Variants in CFHR1 observed in about 807,000 individuals in gnomAD.
CFHR1 encodes the protein complement factor H-related protein 1.
A neutral mutation model predicts 30.4 loss-of-function variants in CFHR1; 22 were observed. That is an observed-to-expected ratio of 0.72 (90% CI 0.52 to 1.03). The LOEUF (loss-of-function observed/expected upper bound fraction) is 1.03. CFHR1 is among the 50% of genes least tolerant of loss of function. The pLI is 0.00. For missense variants in CFHR1, 248 were observed against 380.6 expected, an observed-to-expected ratio of 0.65 and a Z score of 2.90; for synonymous variants, 95 against 129.1, an observed-to-expected ratio of 0.74 and a Z score of 1.79.
rs1655379895 is a variant in CFHR1 at position 196,827,476 on chromosome 1, A to T, written c.430+471A>T. 1.5e-5 allele frequency among the ~76,000 whole-genome samples: 2 copies of T among 135,500 alleles called. 1 individual carries two copies. The allele number at this position is 135,500 out of a possible 152,430, so 88.9% of individuals were successfully genotyped here. On this transcript the variant is annotated intron_variant, in intron 3 of 5. Coordinates refer to ENST00000320493, the MANE Select transcript of CFHR1 (RefSeq NM_002113.3). The stretch of plus-strand genomic sequence containing the variant: ...ATTGGCAATTAAATTATCTGAAGTT[A>T]TTTTTATTATTATAGACTTATTTTC...
At chr1:196,824,838 A>T (rs1334431974) in intron 1 of CFHR1, among the ~76,000 whole-genome samples, 1 of 119,158 alleles carries the variant, frequency 8.4e-6, no homozygotes, top group Non-Finnish European at 1.7e-5. Context: ...ATACAAATAC[A>T]TATTTGTATA....
At chr1:196,829,263 T>C (rs138572788) in intron 4 of CFHR1, among the ~76,000 whole-genome samples, 1,806 of 134,880 alleles carry the variant, frequency 0.013, 523 homozygotes, top group African/African-American at 0.054. Context: ...CTCTCCACAT[T>C]GTAAGTATAA....
chr1:196,822,044 T>C (rs1655137614), intron 1 of CFHR1, among the ~76,000 whole-genome samples: 1 of 131,606 alleles, frequency 7.6e-6, no homozygotes, highest in Non-Finnish European at 1.6e-5. Context: ...GTATAAAATA[T>C]TAAAAACGGC....
At chr1:196,825,339 A>G (rs1298351100) in intron 1 of CFHR1, 138 bp from the exon 2 acceptor site, 6 of 624,154 alleles carry the variant, frequency 9.6e-6, no homozygotes, top group East Asian at 2.9e-5. Flanking sequence ...CCTAATTTGT[A>G]CACTGGAAAG....
chr1:196,823,321 A>G (rs549771616), intron 1 of CFHR1, among the ~76,000 whole-genome samples: 3 of 135,378 alleles, frequency 2.2e-5, no homozygotes, highest in Non-Finnish European at 4.7e-5. Flanking sequence ...TCTGAAGCAT[A>G]GGTACAATAT....
rs376987946 is a variant in CFHR1, at chr1:196,830,560, C to T, written c.668C>T (p.Pro223Leu). 6.9e-5 allele frequency: 105 copies of T among 1,524,870 alleles called. 20 individuals are homozygous for T. Among genetic ancestry groups the T allele is most frequent in the Non-Finnish European group, 8.6e-5 (97 of 1,129,214 alleles). 94.5% of individuals were successfully genotyped at this position (1,524,870 alleles called of 1,614,324 possible). A position where few individuals can be genotyped will look rare whatever the true frequency, so the allele number is the denominator to read the frequency against. ...GACAATGGGGACATTACTTCATTCCCGTTGTCAGTATATGCTCCAGCTTCA... is the reference window on the plus strand; with the variant it reads ...GACAATGGGGACATTACTTCATTCCTGTTGTCAGTATATGCTCCAGCTTCA... ...PIDNGDITSF[P>L]LSVYAPASSV... Residue 223 changes from proline (P) to leucine (L), a missense_variant, in exon 5 of 6, where the codon CCG becomes CTG. Around this residue, in one of 3 missense-constraint regions of CFHR1, gnomAD observed 112 missense variants for 156.4 expected, o/e 0.72. Coordinates refer to ENST00000320493, the MANE Select transcript of CFHR1 (RefSeq NM_002113.3).
intron 1 of CFHR1, among the ~76,000 whole-genome samples, chr1:196,823,531 C>A (rs760994344): frequency 3.7e-5 from 5 of 135,158 alleles, no homozygotes; most frequent in Non-Finnish European, 6.2e-5. Context: ...GTTAGATAAT[C>A]AATTTCAGGT....
intron 1 of CFHR1, among the ~76,000 whole-genome samples, chr1:196,821,972 C>G (rs1380750009): frequency 8.0e-6 from 1 of 124,478 alleles, no homozygotes; most frequent in East Asian, 2.0e-4. Context: ...ATACTGTGGG[C>G]AACTGTAGCA....
rs1188940402 is a variant in CFHR1, at chr1:196,830,817, A to G, written c.790+135A>G. ...CCTGCCTACCAAAAATTTCTTTTAGAAAGTAAAGTTTAGAAATTTTCTCTT... is the reference window on the plus strand; with the variant it reads ...CCTGCCTACCAAAAATTTCTTTTAGGAAGTAAAGTTTAGAAATTTTCTCTT... On this transcript the variant is annotated intron_variant, in intron 5 of 5. Coordinates refer to ENST00000320493, the MANE Select transcript of CFHR1 (RefSeq NM_002113.3). 4 of 1,241,186 alleles carry G rather than the reference A, an allele frequency of 3.2e-6. 2 individuals carry two copies. The African/African-American group carries it at 7.9e-5, about 24-fold the overall frequency. 76.9% of individuals were successfully genotyped at this position (1,241,186 alleles called of 1,614,324 possible). A position where few individuals can be genotyped will look rare whatever the true frequency, so the allele number is the denominator to read the frequency against.
At chr1:196,825,852 C>A in intron 2 of CFHR1, 181 bp downstream of exon 2, 1 of 577,148 alleles carries the variant, frequency 1.7e-6, no homozygotes, top group Non-Finnish European at 2.9e-6. Context: ...ATAAATATGT[C>A]AACTGTCTTG....
At chr1:196,824,792 G>C (rs1655263426) in intron 1 of CFHR1, among the ~76,000 whole-genome samples, 1 of 91,056 alleles carries the variant, frequency 1.1e-5, no homozygotes, top group South Asian at 3.8e-4. Flanking sequence ...GTGCGTGTGT[G>C]TGTGTGTTCA....
chr1:196,830,483 GA>G lies in CFHR1; in HGVS notation c.608-14del. The stretch of plus-strand genomic sequence containing the variant: ...TTGCTCTCACAATAAATCAAGTGAT[GA>G]AATGATGTTTTTTAGATTCTACGGG... On this transcript the variant is annotated splice_polypyrimidine_tract_variant and intron_variant, in intron 4 of 5. Coordinates refer to ENST00000320493, the MANE Select transcript of CFHR1 (RefSeq NM_002113.3). The G allele has an allele frequency of 2.0e-6, 3 of 1,524,520 alleles. 1 individual carries two copies. The highest frequency in any genetic ancestry group is 2.7e-6 in the Non-Finnish European group (3 of 1,128,386). The allele number at this position is 1,524,520 out of a possible 1,614,324, so 94.4% of individuals were successfully genotyped here.
At chr1:196,822,469 T>C (rs1163932609) in intron 1 of CFHR1, among the ~76,000 whole-genome samples, 1 of 132,996 alleles carries the variant, frequency 7.5e-6, no homozygotes, top group Non-Finnish European at 1.6e-5. Flanking sequence ...TTTTTCTTTC[T>C]GTTCTTGTGC....
chr1:196,823,619 T>C lies in CFHR1; in HGVS notation c.59-1858T>C, dbSNP rs1349009100. 2.2e-5 allele frequency among the ~76,000 whole-genome samples: 3 copies of C among 135,978 alleles called. 1 individual carries two copies. Among genetic ancestry groups the C allele is most frequent in the Non-Finnish European group, 4.7e-5 (3 of 64,500 alleles). 89.2% of individuals were successfully genotyped at this position (135,978 alleles called of 152,430 possible). A position where few individuals can be genotyped will look rare whatever the true frequency, so the allele number is the denominator to read the frequency against. On this transcript the variant is annotated intron_variant, in intron 1 of 5. Transcript: ENST00000320493. ...GATAGATGAAAAAGAGAAATTTCTC[T>C]TGATTTGTCAGCTTAATTTCTGCAC...
Position 196,827,743 on chromosome 1 carries a change from A to T in CFHR1, c.431-327A>T. On this transcript the variant is annotated intron_variant, in intron 3 of 5. Transcript: ENST00000320493. ...TATAAATTAATGTTAAATAAATAGA[A>T]CTGGTAATATTTGTTTACTCAAACT... Among the ~76,000 whole-genome samples, 2 of 92,576 alleles carry T rather than the reference A, an allele frequency of 2.2e-5. 1 individual carries two copies. Among genetic ancestry groups the T allele is most frequent in the South Asian group, 7.4e-4 (2 of 2,698 alleles). The allele number at this position is 92,576 out of a possible 152,430, so 60.7% of individuals were successfully genotyped here. A position where few individuals can be genotyped will look rare whatever the true frequency, so the allele number is the denominator to read the frequency against.
rs1189696391 is a variant in CFHR1, at chr1:196,826,826, T to A, written c.254-3T>A. Reference sequence around the variant, plus strand: ...TGTACATTAATCCGTTTTTGGTCCTTAGGACTGTGTTTCTTTCCTTTTGTG... The same window carrying A: ...TGTACATTAATCCGTTTTTGGTCCTAAGGACTGTGTTTCTTTCCTTTTGTG... On this transcript the variant is annotated splice_polypyrimidine_tract_variant and splice_region_variant and intron_variant, in intron 2 of 5. Transcript: ENST00000320493. 12 of 1,523,246 alleles carry A rather than the reference T, an allele frequency of 7.9e-6. 3 individuals are homozygous for A. Among genetic ancestry groups the A allele is most frequent in the Non-Finnish European group, 1.1e-5 (12 of 1,128,262 alleles). The allele number at this position is 1,523,246 out of a possible 1,614,324, so 94.4% of individuals were successfully genotyped here. A position where few individuals can be genotyped will look rare whatever the true frequency, so the allele number is the denominator to read the frequency against.
rs1431375626 is a variant in CFHR1 at position 196,825,907 on chromosome 1, T to A, written c.253+236T>A. On this transcript the variant is annotated intron_variant, in intron 2 of 5. Coordinates refer to ENST00000320493, the MANE Select transcript of CFHR1 (RefSeq NM_002113.3). ...ACGTGTTGAAATATATTAATTTTTT[T>A]AAACTGATCTTTAATATATTTGACT... 11 of 373,238 alleles carry A rather than the reference T, an allele frequency of 2.9e-5. 1 individual carries two copies. Among genetic ancestry groups the A allele is most frequent in the African/African-American group, 2.2e-4 (8 of 37,156 alleles). The allele number at this position is 373,238 out of a possible 1,614,324, so 23.1% of individuals were successfully genotyped here.
chr1:196,823,318 C>T (rs1378521091), intron 1 of CFHR1, among the ~76,000 whole-genome samples: 1 of 134,686 alleles, frequency 7.4e-6, no homozygotes, highest in Non-Finnish European at 1.6e-5. Flanking sequence ...CTTTCTGAAG[C>T]ATAGGTACAA....
At chr1:196,825,388 A>G (rs1655282482) in intron 1 of CFHR1, 89 bp from the exon 2 acceptor site, 1 of 1,021,698 alleles carries the variant, frequency 9.8e-7, no homozygotes, top group Non-Finnish European at 1.4e-6. Flanking sequence ...TGAAAGAAAA[A>G]CACTATAAGT....
Sources: gnomAD v4.1 joint callset for allele counts (sites outside exome capture counted in the v4.1 genomes callset) on GRCh38, gnomAD v4.1.1 for gene constraint, gnomAD v4.1.1 regional missense constraint, MANE v1.5 for transcripts, NCBI Gene and HGNC (gene_info 2026-07-23, HGNC 2026-07-21) for gene names.